The following TARP variants were observed in gnomAD, a reference collection of about 807,000 sequenced individuals.
At chr7:38,273,544 C>T in the TARP span, 18 of 1,470,296 alleles carry the variant, frequency 1.2e-5, no homozygotes, top group Non-Finnish European at 1.7e-5. Context: ...GCCTGCCAGC[C>T]TCCCATCCCT....
the TARP span, among the ~76,000 whole-genome samples, chr7:38,265,180 A>T: frequency 6.6e-6 from 1 of 151,108 alleles, no homozygotes; most frequent in South Asian, 2.1e-4. Flanking sequence ...TTTCTCCAAA[A>T]CCTATACCAT....
the TARP span, among the ~76,000 whole-genome samples, chr7:38,271,293 C>G: frequency 6.6e-6 from 1 of 151,336 alleles, no homozygotes; most frequent in Non-Finnish European, 1.5e-5. Flanking sequence ...TTTGCAAATC[C>G]TAGCTCTGTG....
the TARP span, among the ~76,000 whole-genome samples, chr7:38,267,992 T>C: frequency 6.6e-6 from 1 of 151,434 alleles, no homozygotes; most frequent in Non-Finnish European, 1.5e-5. Flanking sequence ...ACAAAATGAA[T>C]CTGGAACTTC....
At chr7:38,273,582 C>T in the TARP span, 8 of 1,596,880 alleles carry the variant, frequency 5.0e-6, no homozygotes, top group South Asian at 5.5e-5. Context: ...TTAAAGAAAA[C>T]TTACCTGTAA....
chr7:38,266,755 CA>C, the TARP span, among the ~76,000 whole-genome samples: 2 of 151,820 alleles, frequency 1.3e-5, no homozygotes, highest in Non-Finnish European at 2.9e-5. Context: ...TATAACATCT[CA>C]ATTTCACATC....
chr7:38,269,252 A>G, the TARP span, among the ~76,000 whole-genome samples: 1 of 151,976 alleles, frequency 6.6e-6, no homozygotes, highest in East Asian at 1.9e-4. Context: ...CATACATTAC[A>G]TATGAGCCCT....
At chr7:38,267,769 A>G in the TARP span, among the ~76,000 whole-genome samples, 1 of 151,216 alleles carries the variant, frequency 6.6e-6, no homozygotes, top group East Asian at 1.9e-4. Flanking sequence ...TGTACATTAT[A>G]TTTATATAAT....
At chr7:38,265,152 T>C in the TARP span, among the ~76,000 whole-genome samples, 754 of 149,042 alleles carry the variant, frequency 5.1e-3, 8 homozygotes, top group African/African-American at 0.016. Flanking sequence ...AAACCTTCAG[T>C]AACTTTTTCA....
the TARP span, among the ~76,000 whole-genome samples, chr7:38,271,653 GA>G: frequency 3.3e-5 from 5 of 151,004 alleles, no homozygotes; most frequent in South Asian, 4.2e-4. Context: ...GAATAAATTG[GA>G]AAAAAATATA....
At chr7:38,270,273 T>C in the TARP span, among the ~76,000 whole-genome samples, 1 of 151,878 alleles carries the variant, frequency 6.6e-6, no homozygotes, top group Admixed American at 6.6e-5. Flanking sequence ...GTTAAATCCA[T>C]AGCAATTAAG....
the TARP span, among the ~76,000 whole-genome samples, chr7:38,266,178 GT>G: frequency 1.3e-5 from 2 of 151,600 alleles, no homozygotes; most frequent in Non-Finnish European, 2.9e-5. Context: ...TGTAACTTAT[GT>G]TCTTTGGCCA....
At chr7:38,271,996 T>C in the TARP span, among the ~76,000 whole-genome samples, 1,612 of 151,388 alleles carry the variant, frequency 0.011, 19 homozygotes, top group Non-Finnish European at 0.018. Context: ...GAGGGGAAAA[T>C]ACATATTTTC....
At chr7:38,263,123 T>A in the TARP span, among the ~76,000 whole-genome samples, 2 of 151,694 alleles carry the variant, frequency 1.3e-5, no homozygotes, top group African/African-American at 4.8e-5. Context: ...AGGTATAGTG[T>A]TTCTGGACAT....
chr7:38,262,045 C>A, the TARP span: 109 of 787,464 alleles, frequency 1.4e-4, 1 homozygote, highest in Admixed American at 9.1e-4. Context: ...AAATGAGGGA[C>A]TAATTTAAAA....
chr7:38,270,435 C>G, the TARP span, among the ~76,000 whole-genome samples: 3 of 151,236 alleles, frequency 2.0e-5, no homozygotes, highest in Non-Finnish European at 4.4e-5. Context: ...TTAAGAAAGT[C>G]AAAGGGAACA....
At chr7:38,265,391 T>A in the TARP span, 1 of 1,612,316 alleles carries the variant, frequency 6.2e-7, no homozygotes, top group East Asian at 2.2e-5. Context: ...TCAACTCCGT[T>A]TTTATTATTC....
the TARP span, among the ~76,000 whole-genome samples, chr7:38,271,385 C>T: frequency 2.0e-5 from 3 of 151,282 alleles, no homozygotes; most frequent in Non-Finnish European, 4.4e-5. Flanking sequence ...TTTTCTCTCA[C>T]AACATGGGGA....
the TARP span, among the ~76,000 whole-genome samples, chr7:38,267,747 T>A: frequency 2.0e-5 from 3 of 151,118 alleles, no homozygotes; most frequent in African/African-American, 7.3e-5. Flanking sequence ...AAAATATGAG[T>A]AATTTTTCAA....
At chr7:38,271,143 C>T in the TARP span, among the ~76,000 whole-genome samples, 1 of 151,134 alleles carries the variant, frequency 6.6e-6, no homozygotes, top group African/African-American at 2.4e-5. Flanking sequence ...TAATTTAGGT[C>T]TTCTCAAATA....
Sources: allele counts gnomAD v4.1 joint callset (sites outside exome capture counted in the v4.1 genomes callset), GRCh38; gene constraint gnomAD v4.1.1; transcripts MANE v1.5.